OR2L13: variants seen among roughly 807,000 people sequenced by gnomAD.
OR2L13 encodes the protein olfactory receptor family 2 subfamily L member 13.
OR2L13 carries 14 observed loss-of-function variants against 15.3 expected under a neutral mutation model. The ratio of observed to expected loss-of-function variants is 0.91; its 90% CI spans 0.60 to 1.43. OR2L13 has a LOEUF of 1.43. OR2L13 is among the 40% of genes most tolerant of loss of function. The probability of loss-of-function intolerance (pLI) is 0.00; values close to 1 mark genes in which losing one functional copy is unlikely to be tolerated. For synonymous variants in OR2L13, 152 were observed against 142.9 expected, an observed-to-expected ratio of 1.06 and a Z score of -0.45; for missense variants, 367 against 387.9, an observed-to-expected ratio of 0.95 and a Z score of 0.45.
chr1:247,949,015 A>G, the OR2L13 span: 3 of 1,613,824 alleles, frequency 1.9e-6, no homozygotes, highest in East Asian at 2.2e-5. Context: ...TTGGACACCC[A>G]TCTCCACACA....
exon 3 of OR2L13, chr1:248,099,804 G>T (rs758894902): frequency 2.5e-6 from 4 of 1,614,126 alleles, no homozygotes; most frequent in Non-Finnish European, 3.4e-6. Flanking sequence ...GTGTGAAGAT[G>T]ATTGGAGGCT....
the OR2L13 span, chr1:248,024,186 T>C: frequency 6.6e-6 from 1 of 152,106 alleles, no homozygotes. Flanking sequence ...ATGCTTTAGG[T>C]ATTTGTCCTA....
At chr1:247,968,083 T>C in the OR2L13 span, among the ~76,000 whole-genome samples, 10 of 152,240 alleles carry the variant, frequency 6.6e-5, no homozygotes, top group African/African-American at 2.4e-4. Flanking sequence ...AACAAACGTT[T>C]GTGTGTAAAA....
chr1:248,082,152 C>A, the OR2L13 span, among the ~76,000 whole-genome samples: 1 of 145,014 alleles, frequency 6.9e-6, no homozygotes, highest in Non-Finnish European at 1.5e-5. Context: ...CCATGGAATA[C>A]TATGCAGCCA....
the OR2L13 span, among the ~76,000 whole-genome samples, chr1:248,079,980 A>G: frequency 4.6e-5 from 7 of 152,192 alleles, no homozygotes; most frequent in Non-Finnish European, 7.4e-5. Context: ...CAACATGCAC[A>G]AGGAATTCTT....
the OR2L13 span, among the ~76,000 whole-genome samples, chr1:248,048,938 G>A: frequency 3.1e-5 from 3 of 97,336 alleles, no homozygotes; most frequent in Admixed American, 9.3e-5. Flanking sequence ...TTTTTTTTTT[G>A]GTAAATCCAC....
chr1:248,000,695 C>T, the OR2L13 span, among the ~76,000 whole-genome samples: 25 of 151,468 alleles, frequency 1.7e-4, no homozygotes, highest in Admixed American at 1.3e-4. Flanking sequence ...GAAACTTTTA[C>T]ATTGGGAACA....
chr1:248,017,376 T>A, the OR2L13 span, among the ~76,000 whole-genome samples: 2 of 152,182 alleles, frequency 1.3e-5, no homozygotes, highest in East Asian at 1.9e-4. Flanking sequence ...TAAATAATGT[T>A]ATATGGTAGA....
the OR2L13 span, among the ~76,000 whole-genome samples, chr1:248,018,602 A>G: frequency 6.6e-6 from 1 of 152,226 alleles, no homozygotes; most frequent in Non-Finnish European, 1.5e-5. Context: ...AATTCCAAAT[A>G]TGGAATAATT....
chr1:248,054,097 C>T, the OR2L13 span, among the ~76,000 whole-genome samples: 1 of 152,132 alleles, frequency 6.6e-6, no homozygotes. Context: ...TTGGGTTTTA[C>T]ATTTCAGTCT....
chr1:248,082,099 C>A, the OR2L13 span, among the ~76,000 whole-genome samples: 1 of 148,658 alleles, frequency 6.7e-6, no homozygotes, highest in Non-Finnish European at 1.5e-5. Context: ...ACCCAAATGT[C>A]CAACAATGAT....
chr1:248,075,802 T>TTTCTCCCATTCTG, the OR2L13 span, among the ~76,000 whole-genome samples: 1 of 152,214 alleles, frequency 6.6e-6, no homozygotes, highest in African/African-American at 2.4e-5. Flanking sequence ...ATTCTGTAGG[T>TTTCTCCCATTCTG]TACCTGTTCA....
At chr1:248,032,205 T>C in the OR2L13 span, among the ~76,000 whole-genome samples, 2 of 152,152 alleles carry the variant, frequency 1.3e-5, no homozygotes, top group Non-Finnish European at 2.9e-5. Flanking sequence ...AATAAATTGC[T>C]CTGTAGAGGC....
chr1:248,022,607 T>C, the OR2L13 span: 10 of 1,614,118 alleles, frequency 6.2e-6, no homozygotes, highest in East Asian at 2.2e-5. Context: ...ATGGCTGGGT[T>C]CTCCTTGCTG....
At chr1:247,948,233 T>A in the OR2L13 span, among the ~76,000 whole-genome samples, 1 of 151,946 alleles carries the variant, frequency 6.6e-6, no homozygotes, top group African/African-American at 2.4e-5. Flanking sequence ...AGAAAAAGAA[T>A]AAGTGTGGAA....
At chr1:248,022,731 A>G in the OR2L13 span, 1 of 1,614,092 alleles carries the variant, frequency 6.2e-7, no homozygotes, top group East Asian at 2.2e-5. Context: ...TCTATGTCCA[A>G]GATCCCTGCG....
At chr1:248,011,636 C>T in the OR2L13 span, among the ~76,000 whole-genome samples, 6 of 152,070 alleles carry the variant, frequency 3.9e-5, no homozygotes, top group African/African-American at 1.4e-4. Flanking sequence ...TTCTTGGAGG[C>T]TATGATCTTT....
the OR2L13 span, among the ~76,000 whole-genome samples, chr1:248,048,577 C>A: frequency 5.7e-4 from 87 of 152,186 alleles, no homozygotes; most frequent in Non-Finnish European, 9.0e-4. Context: ...TGTAGACATG[C>A]AGATTCAGGT....
At chr1:248,065,584 CT>C in the OR2L13 span, among the ~76,000 whole-genome samples, 3 of 127,152 alleles carry the variant, frequency 2.4e-5, no homozygotes, top group African/African-American at 8.4e-5. Context: ...TCCCTCCCCC[CT>C]CCCCCCACCC....
Sources: gnomAD v4.1 joint callset for allele counts (sites outside exome capture counted in the v4.1 genomes callset) on GRCh38, gnomAD v4.1.1 for gene constraint, MANE v1.5 for transcripts, NCBI Gene and HGNC (gene_info 2026-07-23, HGNC 2026-07-21) for gene names.